The following SLC44A3 variants were observed in gnomAD, a reference collection of about 807,000 sequenced individuals.
SLC44A3 encodes the protein choline transporter-like protein 3.
A neutral mutation model predicts 75.4 loss-of-function variants in SLC44A3; 74 were observed. That is an observed-to-expected ratio of 0.98 (90% CI 0.81 to 1.19). The LOEUF (loss-of-function observed/expected upper bound fraction) is 1.19. SLC44A3 is among the 50% of genes most tolerant of loss of function. The pLI, the probability that SLC44A3 is intolerant of heterozygous loss-of-function variation, is 0.00. For synonymous variants in SLC44A3, 310 were observed against 296.9 expected, an observed-to-expected ratio of 1.04 and a Z score of -0.45; for missense variants, 700 against 778.6, an observed-to-expected ratio of 0.90 and a Z score of 1.20.
rs1366266043 is a variant in SLC44A3, at chr1:94,885,807, A to G, written c.1483-5323A>G. 2.6e-5 allele frequency among the ~76,000 whole-genome samples: 4 copies of G among 152,342 alleles called. No homozygotes were observed. In the East Asian group the frequency reaches 5.8e-4, roughly 22 times the overall value. On this transcript the variant is annotated intron_variant, in intron 12 of 14. Coordinates refer to ENST00000271227, the MANE Select transcript of SLC44A3 (RefSeq NM_001114106.3). ...GGAGAGGTAGCATAGAGCCTGGCAC[A>G]TAGTACATGCAAGATTAATGCCATT...
At chr1:94,893,101 T>C (rs1263118668) in intron 14 of SLC44A3, among the ~76,000 whole-genome samples, 4 of 152,198 alleles carry the variant, frequency 2.6e-5, no homozygotes, top group Non-Finnish European at 5.9e-5. Flanking sequence ...GCAACAGCCT[T>C]TGCAACACAG....
chr1:94,824,469 C>T, intron 2 of SLC44A3, 24 bp from the exon 3 acceptor site: 2 of 1,574,008 alleles, frequency 1.3e-6, no homozygotes, highest in Non-Finnish European at 1.7e-6. Flanking sequence ...TGGCCAGGCT[C>T]TCATATGCCC....
chr1:94,847,966 C>T (rs538893536), intron 9 of SLC44A3, among the ~76,000 whole-genome samples: 14 of 152,240 alleles, frequency 9.2e-5, no homozygotes, highest in Middle Eastern at 3.4e-3. Flanking sequence ...CAGTGGCTCA[C>T]GCCTGTAATC....
intron 12 of SLC44A3, chr1:94,888,587 A>G (rs183846323): frequency 2.3e-6 from 2 of 866,136 alleles, no homozygotes; most frequent in African/African-American, 3.7e-5. Flanking sequence ...TTTCAAAGCA[A>G]ATTTCACGCA....
intron 8 of SLC44A3, 39 bp from the exon 9 acceptor site, chr1:94,845,239 T>G (rs776902065): frequency 3.2e-6 from 5 of 1,551,986 alleles, no homozygotes; most frequent in Non-Finnish European, 4.3e-6. Context: ...CAGTTCTCCA[T>G]TATTTGGAAG....
intron 2 of SLC44A3, among the ~76,000 whole-genome samples, chr1:94,822,542 G>A (rs553725306): frequency 1.9e-3 from 254 of 130,512 alleles, no homozygotes; most frequent in African/African-American, 6.4e-3. Flanking sequence ...TGTGACAGAT[G>A]TCCTGACTGG....
At chr1:94,892,252 G>A in intron 13 of SLC44A3, 29 bp from the exon 14 acceptor site, 1 of 1,593,082 alleles carries the variant, frequency 6.3e-7, no homozygotes, top group South Asian at 1.1e-5. Context: ...GATTCATAAA[G>A]ATTTTCAACA....
intron 1 of SLC44A3, 186 bp from the exon 2 acceptor site, chr1:94,820,763 G>T (rs1217588924): frequency 3.6e-6 from 5 of 1,401,318 alleles, no homozygotes; most frequent in African/African-American, 1.4e-5. Context: ...TCCGCTCCGC[G>T]CAGAGCAGGT....
rs58478532 is a variant in SLC44A3, at chr1:94,878,272, A to G, written c.1482+10855A>G. The stretch of plus-strand genomic sequence containing the variant: ...ACAAACAAACAAACAAAAAAAAAAC[A>G]GAGAAACTTGGTTGGGGCCCAAAGA... On this transcript the variant is annotated intron_variant, in intron 12 of 14. Coordinates refer to ENST00000271227, the MANE Select transcript of SLC44A3 (RefSeq NM_001114106.3). 4.8e-3 allele frequency among the ~76,000 whole-genome samples: 731 copies of G among 150,914 alleles called. 7 individuals carry two copies. The highest frequency in any genetic ancestry group is 0.017 in the African/African-American group (691 of 40,838).
rs1481182831 is a variant in SLC44A3 at position 94,894,783 on chromosome 1, A to G, written c.1858-35A>G. On this transcript the variant is annotated intron_variant, in intron 14 of 14. Transcript: ENST00000271227. Reference sequence around the variant, plus strand: ...CCTACGTTATCAACAGTACAGACACATAATACTATTCTAACTTGTTCTTTT... The same window carrying G: ...CCTACGTTATCAACAGTACAGACACGTAATACTATTCTAACTTGTTCTTTT... The G allele has an allele frequency of 1.9e-6, 3 of 1,561,510 alleles. No individual in the cohort carries two copies. In the Admixed American group the frequency reaches 5.2e-5, roughly 27 times the overall value.
intron 11 of SLC44A3, among the ~76,000 whole-genome samples, chr1:94,865,159 G>A (rs1450048934): frequency 6.6e-6 from 1 of 152,100 alleles, no homozygotes; most frequent in African/African-American, 2.4e-5. Context: ...GAGTAGTTCT[G>A]AGTTAGCTGA....
chr1:94,828,016 C>T (rs550397427), intron 4 of SLC44A3, among the ~76,000 whole-genome samples: 5 of 152,202 alleles, frequency 3.3e-5, no homozygotes, highest in East Asian at 1.9e-4. Context: ...GCAGGCTGCG[C>T]GTAGAATTGC....
chr1:94,824,791 A>G (rs1363490203), intron 3 of SLC44A3, among the ~76,000 whole-genome samples, 156 bp downstream of exon 3: 2 of 152,186 alleles, frequency 1.3e-5, no homozygotes, highest in Non-Finnish European at 2.9e-5. Context: ...TAAGAGTACA[A>G]GTTTTAGAAT....
chr1:94,852,818 A>G (rs916380236), intron 9 of SLC44A3, among the ~76,000 whole-genome samples: 1 of 152,244 alleles, frequency 6.6e-6, no homozygotes, highest in Admixed American at 6.5e-5. Context: ...TTTTGGCCTG[A>G]GCAACTGGAA....
chr1:94,836,570 T>C (rs2101017543), intron 5 of SLC44A3, among the ~76,000 whole-genome samples: 1 of 152,244 alleles, frequency 6.6e-6, no homozygotes. Flanking sequence ...ATACAATTCT[T>C]TTGTTGGGGT....
intron 12 of SLC44A3, among the ~76,000 whole-genome samples, chr1:94,869,847 G>T (rs1326546307): frequency 6.6e-6 from 1 of 152,186 alleles, no homozygotes; most frequent in Non-Finnish European, 1.5e-5. Context: ...CTGGAAATCA[G>T]ATTTAAAAAG....
intron 10 of SLC44A3, among the ~76,000 whole-genome samples, chr1:94,859,810 C>T (rs563675212): frequency 6.6e-6 from 1 of 152,270 alleles, no homozygotes; most frequent in East Asian, 1.9e-4. Flanking sequence ...CACAGTTCAG[C>T]TCCCAGAATG....
chr1:94,870,915 A>G (rs1667695351), intron 12 of SLC44A3, among the ~76,000 whole-genome samples: 1 of 152,178 alleles, frequency 6.6e-6, no homozygotes, highest in Non-Finnish European at 1.5e-5. Context: ...TCCTGACCTC[A>G]GGTGATTTAC....
chr1:94,822,170 G>A (rs768333549), intron 2 of SLC44A3, among the ~76,000 whole-genome samples: 17 of 152,268 alleles, frequency 1.1e-4, no homozygotes, highest in South Asian at 6.2e-4. Context: ...ATGATCTGCC[G>A]TAGCCCCTCC....
Sources: gnomAD v4.1 joint callset for allele counts (sites outside exome capture counted in the v4.1 genomes callset) on GRCh38, gnomAD v4.1.1 for gene constraint, MANE v1.5 for transcripts, NCBI Gene and HGNC (gene_info 2026-07-23, HGNC 2026-07-21) for gene names.